The following FBLN5 variants were observed in gnomAD, a reference collection of about 807,000 sequenced individuals.
The protein encoded by FBLN5 is fibulin-5.
Under a neutral mutation model 61.6 loss-of-function variants are expected in FBLN5, and 24 were observed. That is an observed-to-expected ratio of 0.39 (90% CI 0.28 to 0.55). The LOEUF is 0.55. FBLN5 is among the 20% of genes least tolerant of loss of function. The pLI, the probability that FBLN5 is intolerant of heterozygous loss-of-function variation, is 0.65. For missense variants in FBLN5, 470 were observed against 594.1 expected (o/e 0.79, Z 2.17); for synonymous variants, 213 against 219.8 (o/e 0.97, Z 0.27).
In FBLN5 at chr14:91,882,752, G is replaced by A. The variant is rs1317699757; in HGVS notation, c.862+202C>T. Among the ~76,000 whole-genome samples the A allele has an allele frequency of 1.3e-5, 2 of 152,182 alleles. No homozygotes were observed. Among genetic ancestry groups the A allele is most frequent in the Non-Finnish European group, 1.5e-5 (1 of 68,030 alleles). On this transcript the variant is annotated intron_variant, in intron 8 of 10. Transcript: ENST00000342058. The surrounding 1 kb of genome is among the most constrained non-coding windows in gnomAD (Gnocchi z 4.9). ...GTGGCCAATATCCTGGCCAAAGGAC[G>A]GGTTACAGGGAAGGAAGACAACAGG...
intron 4 of FBLN5, among the ~76,000 whole-genome samples, chr14:91,911,232 A>G (rs1023620289): frequency 4.1e-4 from 62 of 152,218 alleles, no homozygotes; most frequent in African/African-American, 1.4e-3. Context: ...TGATCCGCCC[A>G]CCTCAGCCTC....
Position 91,943,786 on chromosome 14 carries a change from G to C in FBLN5, c.18-825C>G, listed in dbSNP as rs1192752073. Among the ~76,000 whole-genome samples, 1 of 152,148 alleles carries C rather than the reference G, an allele frequency of 6.6e-6. No homozygotes were observed. Among genetic ancestry groups the C allele is most frequent in the African/African-American group, 2.4e-5 (1 of 41,442 alleles). ...AATCCCCCATCAGTGGATGGGTTGG[G>C]GTGGCCCTGTCCCCTGAAGAGTGTG... On this transcript the variant is annotated intron_variant, in intron 1 of 10. Coordinates refer to ENST00000342058, the MANE Select transcript of FBLN5 (RefSeq NM_006329.4). This position sits in a 1 kb window ranked among gnomAD's most constrained non-coding sequence, Gnocchi z 4.0.
At chr14:91,902,999 G>A (rs1890523247) in intron 4 of FBLN5, among the ~76,000 whole-genome samples, 1 of 152,024 alleles carries the variant, frequency 6.6e-6, no homozygotes, top group African/African-American at 2.4e-5. Flanking sequence ...TGGGTAATGG[G>A]ATCCATCATA....
At position 91,882,481 on chromosome 14, in the gene FBLN5, GC is replaced by G. The variant is rs1889523215; in HGVS notation, c.862+472del. Reference sequence around the variant, plus strand: ...TTTACAGTCTGGGGTCCCAGCCCTTGCAGGAACAGAGCAGTCAGGTGCATGA... The same window carrying G: ...TTTACAGTCTGGGGTCCCAGCCCTTGAGGAACAGAGCAGTCAGGTGCATGA... On this transcript the variant is annotated intron_variant, in intron 8 of 10. Coordinates refer to ENST00000342058, the MANE Select transcript of FBLN5 (RefSeq NM_006329.4). This position sits in a 1 kb window ranked among gnomAD's most constrained non-coding sequence, Gnocchi z 4.9. 6.6e-6 allele frequency among the ~76,000 whole-genome samples: 1 copy of G among 152,216 alleles called. No homozygotes were observed. Among genetic ancestry groups the G allele is most frequent in the Admixed American group, 6.5e-5 (1 of 15,284 alleles).
intron 1 of FBLN5, chr14:91,946,903 C>G (rs1450826414): frequency 1.4e-6 from 2 of 1,463,268 alleles, no homozygotes; most frequent in East Asian, 5.0e-5. Flanking sequence ...TACAAAAATC[C>G]CTTAAAACGA....
chr14:91,875,017 A>T (rs1889103602), intron 10 of FBLN5, among the ~76,000 whole-genome samples: 1 of 151,912 alleles, frequency 6.6e-6, no homozygotes. Context: ...TTTTGTAGAG[A>T]CAGGGTCTCA....
chr14:91,876,047 G>C (rs1459333983), intron 10 of FBLN5, among the ~76,000 whole-genome samples: 1 of 152,234 alleles, frequency 6.6e-6, no homozygotes, highest in Admixed American at 6.5e-5. Context: ...AGGGCACTAA[G>C]TGGATAATCT....
chr14:91,886,484 TAAG>T (rs1032157798), intron 7 of FBLN5, among the ~76,000 whole-genome samples: 3 of 152,132 alleles, frequency 2.0e-5, no homozygotes, highest in Non-Finnish European at 2.9e-5. Context: ...AGGGAGTTAA[TAAG>T]AAAATTATAA....
In FBLN5 at chr14:91,946,577, T is replaced by C; in HGVS notation, c.17+636A>G. ...CATACATACGCACACAAGGTTAATT[T>C]GTTCAAAGCAGTATGTTTTCAAGAG... is the stretch of plus-strand genomic sequence containing the variant. On this transcript the variant is annotated intron_variant, in intron 1 of 10. Coordinates refer to ENST00000342058, the MANE Select transcript of FBLN5 (RefSeq NM_006329.4). 4.2e-6 allele frequency: 3 copies of C among 712,390 alleles called. No homozygotes were observed. The South Asian group carries it at 5.1e-5, about 12-fold the overall frequency. 44.1% of individuals were successfully genotyped at this position (712,390 alleles called of 1,614,324 possible). A position where few individuals can be genotyped will look rare whatever the true frequency, so the allele number is the denominator to read the frequency against.
chr14:91,924,267 A>T (rs2055789065), intron 4 of FBLN5, among the ~76,000 whole-genome samples: 1 of 152,256 alleles, frequency 6.6e-6, no homozygotes, highest in Non-Finnish European at 1.5e-5. Context: ...AGTGGTCATA[A>T]GTTAACCTAT....
At chr14:91,883,233 G>A (rs748078850) in intron 7 of FBLN5, among the ~76,000 whole-genome samples, 157 bp from the exon 8 acceptor site, 5 of 152,204 alleles carry the variant, frequency 3.3e-5, no homozygotes, top group Non-Finnish European at 5.9e-5. Flanking sequence ...TCTAGCAATG[G>A]AGAGCTCACT....
rs3031540 is a variant in FBLN5, at chr14:91,919,390, AAAGGAAGGAAGG to A, written c.379+17545_379+17556del. Among the ~76,000 whole-genome samples the A allele has an allele frequency of 2.3e-3, 226 of 99,584 alleles. 1 individual carries two copies. The highest frequency in any genetic ancestry group is 2.6e-3 in the Non-Finnish European group (123 of 46,642). The allele number at this position is 99,584 out of a possible 152,430, so 65.3% of individuals were successfully genotyped here. On this transcript the variant is annotated intron_variant, in intron 4 of 10. Transcript: ENST00000342058. The stretch of plus-strand genomic sequence containing the variant: ...AGAAAAGAAAAGAAAAGAAAGAAAG[AAAGGAAGGAAGG>A]AAGGAAGGAAGGAAGGAAGGAAGGA...
Position 91,931,118 on chromosome 14 carries a change from C to A in FBLN5, c.379+5829G>T, listed in dbSNP as rs180711992. 2.2e-4 allele frequency among the ~76,000 whole-genome samples: 33 copies of A among 152,284 alleles called. No homozygotes were observed. In the East Asian group the frequency reaches 5.0e-3, roughly 23 times the overall value. ...CATTTTACAGATGAGGAAACCAACC[C>A]CCGTCCTCACAGGTAGGAAGTGGCC... On this transcript the variant is annotated intron_variant, in intron 4 of 10. Coordinates refer to ENST00000342058, the MANE Select transcript of FBLN5 (RefSeq NM_006329.4).
chr14:91,869,677 T>G lies in FBLN5; in HGVS notation c.*547A>C, dbSNP rs1257211730. The G allele has an allele frequency of 1.2e-5, 2 of 160,458 alleles. No individual in the cohort carries two copies. Among genetic ancestry groups the G allele is most frequent in the African/African-American group, 4.8e-5 (2 of 41,558 alleles). 9.9% of individuals were successfully genotyped at this position (160,458 alleles called of 1,614,324 possible). A position where few individuals can be genotyped will look rare whatever the true frequency, so the allele number is the denominator to read the frequency against. On this transcript the variant is annotated 3_prime_UTR_variant, in exon 11 of 11. Transcript: ENST00000342058. The stretch of plus-strand genomic sequence containing the variant: ...GGACAACTGAAACTTCTTTTATGGT[T>G]GAAAATACCAGGCATGGTTTTGAAA...
chr14:91,899,054 G>A (rs1372176690), intron 4 of FBLN5, among the ~76,000 whole-genome samples: 2 of 151,708 alleles, frequency 1.3e-5, no homozygotes, highest in East Asian at 1.9e-4. Context: ...TGCCCGCATC[G>A]GCCTCCCAAA....
At chr14:91,888,651 C>G (rs2139971271) in intron 6 of FBLN5, among the ~76,000 whole-genome samples, 1 of 151,208 alleles carries the variant, frequency 6.6e-6, no homozygotes, top group South Asian at 2.1e-4. Context: ...TACACACACA[C>G]ACAGACACAC....
intron 7 of FBLN5, among the ~76,000 whole-genome samples, chr14:91,883,427 A>G (rs1595298664): frequency 6.6e-6 from 1 of 152,192 alleles, no homozygotes; most frequent in East Asian, 1.9e-4. Context: ...TGACCTGCCT[A>G]AGGGGCTGAG....
At chr14:91,914,471 C>T (rs1327217774) in intron 4 of FBLN5, among the ~76,000 whole-genome samples, 2 of 104,348 alleles carry the variant, frequency 1.9e-5, no homozygotes, top group African/African-American at 3.8e-5. Context: ...GAGTGAGACT[C>T]TGTCTCAAAA....
At chr14:91,916,461 A>C (rs1200866256) in intron 4 of FBLN5, among the ~76,000 whole-genome samples, 2 of 152,220 alleles carry the variant, frequency 1.3e-5, no homozygotes, top group African/African-American at 4.8e-5. Flanking sequence ...TCAAACAAAA[A>C]AGAATTCAGG....
Sources: allele counts gnomAD v4.1 joint callset (sites outside exome capture counted in the v4.1 genomes callset), GRCh38; gene constraint gnomAD v4.1.1; non-coding constraint Gnocchi (gnomAD v3.1); transcripts MANE v1.5; gene names NCBI Gene and HGNC (gene_info 2026-07-23, HGNC 2026-07-21).